Variants in BABAM2 observed in about 807,000 individuals in gnomAD.
The protein encoded by BABAM2 is BRISC and BRCA1 A complex member 2, also known as BRISC and BRCA1-A complex member 2.
Under a neutral mutation model 54.7 loss-of-function variants are expected in BABAM2, and 31 were observed. The ratio of observed to expected loss-of-function variants is 0.57; its 90% confidence interval spans 0.43 to 0.77. The LOEUF (loss-of-function observed/expected upper bound fraction) is 0.77. Among genes scored for constraint, BABAM2 ranks in the 30% least tolerant of loss-of-function variants. The pLI, the probability that BABAM2 is intolerant of heterozygous loss-of-function variation, is 0.00. For missense variants in BABAM2, 364 were observed against 455.8 expected, an observed-to-expected ratio of 0.80 and a Z score of 1.83; for synonymous variants, 167 against 162.9, an observed-to-expected ratio of 1.03 and a Z score of -0.19.
Position 28,045,810 on chromosome 2 carries a change from A to G in BABAM2, c.570+11A>G, listed in dbSNP as rs1023353664. 3.8e-6 allele frequency: 6 copies of G among 1,595,536 alleles called. No homozygotes were observed. The African/African-American group carries it at 6.7e-5, about 18-fold the overall frequency. ...ACATACCTTCTCAAGGTAAAAATAT[A>G]TGATTTTCAGTATGAGAATATAAGT... On this transcript the variant is annotated intron_variant, in intron 6 of 11. Coordinates refer to ENST00000379624, the MANE Select transcript of BABAM2 (RefSeq NM_199191.3).
At chr2:28,167,693 C>CAAAA (rs373375104) in intron 7 of BABAM2, among the ~76,000 whole-genome samples, 10,811 of 103,344 alleles carry the variant, frequency 0.1, 591 homozygotes, top group Non-Finnish European at 0.14. Flanking sequence ...GACTCCATCT[C>CAAAA]AAAAAAATAA....
At chr2:28,292,755 C>T (rs961207064) in intron 10 of BABAM2, among the ~76,000 whole-genome samples, 2 of 152,184 alleles carry the variant, frequency 1.3e-5, no homozygotes, top group Non-Finnish European at 2.9e-5. Context: ...AGACCCATAG[C>T]CCACTTCCCT....
chr2:28,268,405 G>A (rs1398263022), intron 10 of BABAM2, among the ~76,000 whole-genome samples: 3 of 152,178 alleles, frequency 2.0e-5, no homozygotes, highest in East Asian at 1.9e-4. Flanking sequence ...TGGCAAGGTC[G>A]CTTCAGCTTG....
intron 3 of BABAM2, among the ~76,000 whole-genome samples, chr2:27,987,713 G>A (rs1672501412): frequency 6.6e-6 from 1 of 151,518 alleles, no homozygotes; most frequent in Admixed American, 6.6e-5. Context: ...TCCTTGGGGG[G>A]CTGAGATGGG....
intron 7 of BABAM2, among the ~76,000 whole-genome samples, chr2:28,165,002 T>C (rs1673494405): frequency 6.6e-6 from 1 of 152,194 alleles, no homozygotes; most frequent in African/African-American, 2.4e-5. Flanking sequence ...TTTGTTCATG[T>C]TTTCACTTAT....
chr2:27,990,403 C>T (rs1023347269), intron 4 of BABAM2, among the ~76,000 whole-genome samples: 18 of 152,166 alleles, frequency 1.2e-4, no homozygotes, highest in Admixed American at 1.2e-3. Flanking sequence ...GGATTCAGTT[C>T]AGACATTTTT....
intron 6 of BABAM2, among the ~76,000 whole-genome samples, chr2:28,109,965 T>C (rs963242009): frequency 3.9e-5 from 6 of 152,204 alleles, no homozygotes; most frequent in African/African-American, 1.4e-4. Context: ...GCGACCATCA[T>C]GACATCCGTT....
intron 7 of BABAM2, among the ~76,000 whole-genome samples, chr2:28,221,434 GTATT>G (rs779142305): frequency 2.0e-5 from 3 of 152,130 alleles, no homozygotes; most frequent in Non-Finnish European, 2.9e-5. Flanking sequence ...TCAGTTTGGG[GTATT>G]TATTTATTTA....
At chr2:28,245,872 C>T (rs921872665) in intron 10 of BABAM2, among the ~76,000 whole-genome samples, 1 of 152,140 alleles carries the variant, frequency 6.6e-6, no homozygotes, top group Non-Finnish European at 1.5e-5. Context: ...GCAGATTTAC[C>T]TTCTTCGTTA....
intron 2 of BABAM2, among the ~76,000 whole-genome samples, chr2:27,895,220 C>G (rs1665194291): frequency 6.6e-6 from 1 of 152,054 alleles, no homozygotes; most frequent in South Asian, 2.1e-4. Context: ...AGGAAATTAG[C>G]ATTGTTATAA....
chr2:28,184,263 C>CCTCCCT (rs1676006277), intron 7 of BABAM2, among the ~76,000 whole-genome samples: 2 of 59,372 alleles, frequency 3.4e-5, no homozygotes, highest in South Asian at 9.3e-4. Flanking sequence ...TCCCTCCCTC[C>CCTCCCT]CTCTCTCTCT....
In BABAM2 at chr2:28,060,130, A is replaced by G. The variant is rs768227239; in HGVS notation, c.570+14331A>G. Among the ~76,000 whole-genome samples, 109 of 152,346 alleles carry G rather than the reference A, an allele frequency of 7.2e-4. 2 individuals carry two copies. Among genetic ancestry groups the G allele is most frequent in the Middle Eastern group, 6.8e-3 (2 of 294 alleles). On this transcript the variant is annotated intron_variant, in intron 6 of 11. Transcript: ENST00000379624. ...ATTTTAACAAACTCAAAAGAATGAT[A>G]CATAAAAAGGATGATACATTATGAA...
At chr2:28,315,163 GAGAAC>G (rs1323332360) in intron 11 of BABAM2, among the ~76,000 whole-genome samples, 1 of 151,920 alleles carries the variant, frequency 6.6e-6, no homozygotes, top group Non-Finnish European at 1.5e-5. Context: ...GCAGGGTACA[GAGAAC>G]ATGCCCTCTG....
At chr2:27,990,605 C>G (rs1479401912) in intron 4 of BABAM2, among the ~76,000 whole-genome samples, 2 of 152,050 alleles carry the variant, frequency 1.3e-5, no homozygotes, top group Non-Finnish European at 2.9e-5. Flanking sequence ...GGAGTGTAGT[C>G]TGAAGTAGTT....
chr2:28,234,862 A>G (rs1681753099), intron 7 of BABAM2, among the ~76,000 whole-genome samples: 1 of 152,234 alleles, frequency 6.6e-6, no homozygotes, highest in South Asian at 2.1e-4. Flanking sequence ...CCTCTTGTTT[A>G]TAGGAAGTCA....
intron 10 of BABAM2, among the ~76,000 whole-genome samples, chr2:28,276,170 A>T (rs1210938501): frequency 6.6e-6 from 1 of 152,174 alleles, no homozygotes; most frequent in African/African-American, 2.4e-5. Flanking sequence ...TGTAATTTGT[A>T]CTGTTTAGAA....
At chr2:28,171,725 A>T (rs962911309) in intron 7 of BABAM2, among the ~76,000 whole-genome samples, 2 of 151,002 alleles carry the variant, frequency 1.3e-5, no homozygotes, top group Non-Finnish European at 3.0e-5. Flanking sequence ...GTACCTTCCA[A>T]CTCTATATTA....
intron 6 of BABAM2, among the ~76,000 whole-genome samples, chr2:28,048,027 A>C (rs1296429143): frequency 2.0e-5 from 3 of 152,212 alleles, no homozygotes; most frequent in African/African-American, 7.2e-5. Flanking sequence ...CTCCTCATCT[A>C]ATTACTAGGC....
At chr2:28,178,096 A>T (rs1360085877) in intron 7 of BABAM2, among the ~76,000 whole-genome samples, 2 of 152,154 alleles carry the variant, frequency 1.3e-5, no homozygotes, top group African/African-American at 4.8e-5. Flanking sequence ...TTATCTAGAC[A>T]GAAATTAACA....
Sources: allele counts gnomAD v4.1 joint callset (sites outside exome capture counted in the v4.1 genomes callset), GRCh38; gene constraint gnomAD v4.1.1; transcripts MANE v1.5; gene names NCBI Gene and HGNC (gene_info 2026-07-23, HGNC 2026-07-21).